The following NOL4 variants were observed in gnomAD, a reference collection of about 807,000 sequenced individuals.
NOL4 encodes cancer/testis antigen 125.
In NOL4, 17 loss-of-function variants were observed where a neutral mutation model predicts 75.9. That is an observed-to-expected ratio of 0.22 (90% CI 0.15 to 0.34). NOL4 has a LOEUF of 0.34. Among genes scored for constraint, NOL4 ranks in the 10% least tolerant of loss-of-function variants. NOL4 has a pLI of 1.00. For synonymous variants in NOL4, 292 were observed against 289.9 expected (o/e 1.01, Z -0.07); for missense variants, 614 against 793.5 (o/e 0.77, Z 2.72).
chr18:33,898,641 T>C (rs1456326198), intron 9 of NOL4, among the ~76,000 whole-genome samples: 2 of 152,192 alleles, frequency 1.3e-5, no homozygotes, highest in African/African-American at 4.8e-5. Flanking sequence ...GAAGCACTTA[T>C]TGTCAATGCG....
chr18:33,979,962 TCAAA>T (rs1328266432), intron 6 of NOL4, among the ~76,000 whole-genome samples: 1 of 152,082 alleles, frequency 6.6e-6, no homozygotes, highest in Non-Finnish European at 1.5e-5. Flanking sequence ...CACAAAATTT[TCAAA>T]CAATTATTAT....
chr18:34,145,008 A>T (rs927339845), intron 1 of NOL4, among the ~76,000 whole-genome samples: 1 of 152,098 alleles, frequency 6.6e-6, no homozygotes, highest in Non-Finnish European at 1.5e-5. Flanking sequence ...ACTTCTTCCT[A>T]ACTCCTATTC....
chr18:34,222,215 G>A (rs2037368103), intron 1 of NOL4: 6 of 1,429,838 alleles, frequency 4.2e-6, no homozygotes, highest in Non-Finnish European at 5.5e-6. Flanking sequence ...TTGTGGCCAT[G>A]AGACTAGAGC....
chr18:34,011,765 G>A (rs572155112), intron 6 of NOL4, among the ~76,000 whole-genome samples: 3 of 151,736 alleles, frequency 2.0e-5, no homozygotes, highest in African/African-American at 2.4e-5. Flanking sequence ...GGATAATGAC[G>A]GGTCAATTTT....
At chr18:34,221,667 G>C (rs2037314864) in intron 1 of NOL4, 1 of 172,538 alleles carries the variant, frequency 5.8e-6, no homozygotes, top group South Asian at 2.0e-4. Flanking sequence ...TTTACTTTTG[G>C]TTCCCAATTT....
chr18:34,113,912 A>G (rs1406018896), intron 2 of NOL4, among the ~76,000 whole-genome samples: 1 of 152,156 alleles, frequency 6.6e-6, no homozygotes, highest in African/African-American at 2.4e-5. Flanking sequence ...TGTTAAATCA[A>G]TTTTAAATAG....
intron 8 of NOL4, among the ~76,000 whole-genome samples, chr18:33,951,676 A>G (rs2069236745): frequency 6.6e-6 from 1 of 152,092 alleles, no homozygotes; most frequent in Admixed American, 6.6e-5. Flanking sequence ...GGTAACTTAC[A>G]TACTTCTGTG....
At chr18:33,979,068 A>G (rs997505634) in intron 6 of NOL4, among the ~76,000 whole-genome samples, 1 of 152,100 alleles carries the variant, frequency 6.6e-6, no homozygotes, top group African/African-American at 2.4e-5. Flanking sequence ...TTTTACTTTG[A>G]CATTTACTCT....
intron 6 of NOL4, among the ~76,000 whole-genome samples, chr18:33,969,518 G>A (rs1408959846): frequency 6.6e-6 from 1 of 152,012 alleles, no homozygotes; most frequent in Non-Finnish European, 1.5e-5. Context: ...TGAAATTGCA[G>A]TTTAAATGTC....
At chr18:34,189,994 T>C (rs1024179838) in intron 1 of NOL4, among the ~76,000 whole-genome samples, 7 of 150,450 alleles carry the variant, frequency 4.7e-5, no homozygotes, top group African/African-American at 1.7e-4. Flanking sequence ...TGCATATATA[T>C]ATATACACAC....
intron 1 of NOL4, among the ~76,000 whole-genome samples, chr18:34,215,221 A>G (rs1043527897): frequency 1.3e-5 from 2 of 152,186 alleles, no homozygotes; most frequent in African/African-American, 4.8e-5. Context: ...ACAGATAGAT[A>G]TAGATGTAGA....
chr18:33,915,695 T>G (rs920639817), intron 9 of NOL4, among the ~76,000 whole-genome samples: 1 of 152,158 alleles, frequency 6.6e-6, no homozygotes, highest in Non-Finnish European at 1.5e-5. Flanking sequence ...GATACTTATT[T>G]TGTGTCATGA....
rs370412620 is a variant in NOL4, at chr18:33,944,188, C to T, written c.1429-1010G>A. Reference sequence around the variant, plus strand: ...ACCTTAGGGTTTTCAAAGCCTCAAACGAAAATATGTGTGAATGCTATTTAT... The same window carrying T: ...ACCTTAGGGTTTTCAAAGCCTCAAATGAAAATATGTGTGAATGCTATTTAT... On this transcript the variant is annotated intron_variant, in intron 8 of 10. Transcript: ENST00000261592. Among the ~76,000 whole-genome samples, 19 of 151,870 alleles carry T rather than the reference C, an allele frequency of 1.3e-4. No individual in the cohort carries two copies. The South Asian group carries it at 1.5e-3, about 12-fold the overall frequency.
chr18:34,193,911 A>C (rs59577643), intron 1 of NOL4, among the ~76,000 whole-genome samples: 2,394 of 152,314 alleles, frequency 0.016, 69 homozygotes, highest in African/African-American at 0.055. Flanking sequence ...AATAAGAAGG[A>C]AATTGTGTCA....
At chr18:34,152,038 A>T (rs562735347) in intron 1 of NOL4, among the ~76,000 whole-genome samples, 1 of 152,002 alleles carries the variant, frequency 6.6e-6, no homozygotes, top group East Asian at 1.9e-4. Context: ...TATAATAACG[A>T]AATCTTTGTA....
At chr18:34,000,333 A>G (rs1487569390) in intron 6 of NOL4, among the ~76,000 whole-genome samples, 1 of 150,646 alleles carries the variant, frequency 6.6e-6, no homozygotes, top group African/African-American at 2.5e-5. Flanking sequence ...TAGATTGTCA[A>G]TGTCAGAATT....
intron 9 of NOL4, among the ~76,000 whole-genome samples, chr18:33,941,855 T>C (rs2068512405): frequency 6.6e-6 from 1 of 151,942 alleles, no homozygotes; most frequent in Admixed American, 6.6e-5. Flanking sequence ...ACTCATTGTA[T>C]AGATACATTT....
chr18:33,965,734 C>A (rs957734683), intron 6 of NOL4, among the ~76,000 whole-genome samples: 2 of 152,120 alleles, frequency 1.3e-5, no homozygotes, highest in African/African-American at 4.8e-5. Context: ...CCATTTCCAC[C>A]AGGATTGTAA....
chr18:34,153,878 C>T (rs1179318771), intron 1 of NOL4, among the ~76,000 whole-genome samples: 1 of 151,924 alleles, frequency 6.6e-6, no homozygotes, highest in Non-Finnish European at 1.5e-5. Flanking sequence ...TGCTATTTCC[C>T]AGCAGGAAGT....
Sources: allele counts gnomAD v4.1 joint callset (sites outside exome capture counted in the v4.1 genomes callset), GRCh38; gene constraint gnomAD v4.1.1; transcripts MANE v1.5; gene names NCBI Gene and HGNC (gene_info 2026-07-23, HGNC 2026-07-21).